The following CFAP36 variants were observed in gnomAD, a reference collection of about 807,000 sequenced individuals.
CFAP36 encodes cilia- and flagella-associated protein 36.
Under a neutral mutation model 50.5 loss-of-function variants are expected in CFAP36, and 37 were observed. The ratio of observed to expected loss-of-function variants is 0.73; its 90% CI spans 0.56 to 0.96. CFAP36 has a LOEUF of 0.96. Ranked by LOEUF, CFAP36 falls within the 50% of genes least tolerant of loss-of-function variation. The pLI, the probability that CFAP36 is intolerant of heterozygous loss-of-function variation, is 0.00. For synonymous variants in CFAP36, 138 were observed against 128.2 expected, an observed-to-expected ratio of 1.08 and a Z score of -0.52; for missense variants, 407 against 396.2, an observed-to-expected ratio of 1.03 and a Z score of -0.23.
intron 6 of CFAP36, among the ~76,000 whole-genome samples, chr2:55,537,213 A>T (rs1018409602): frequency 6.6e-6 from 1 of 152,092 alleles, no homozygotes; most frequent in Non-Finnish European, 1.5e-5. Context: ...TCTACTAAAA[A>T]TGCAACAATT....
intron 3 of CFAP36, among the ~76,000 whole-genome samples, chr2:55,527,582 A>AAAAT (rs56081740): frequency 0.087 from 13,235 of 151,552 alleles, 702 homozygotes; most frequent in South Asian, 0.14. Flanking sequence ...ACTGCATTTC[A>AAAAT]AAATAAATAA....
At chr2:55,537,950 G>C (rs909610623) in intron 7 of CFAP36, among the ~76,000 whole-genome samples, 7 of 152,126 alleles carry the variant, frequency 4.6e-5, no homozygotes, top group African/African-American at 1.7e-4. Flanking sequence ...AGCTGAACTT[G>C]GAAAGATAAT....
intron 3 of CFAP36, among the ~76,000 whole-genome samples, chr2:55,525,886 CA>C (rs1274501043): frequency 6.6e-6 from 1 of 152,226 alleles, no homozygotes; most frequent in Non-Finnish European, 1.5e-5. Context: ...CTCGGCCTCC[CA>C]AAGTGCTGGG....
At chr2:55,520,270 G>T in intron 1 of CFAP36, 2 of 761,844 alleles carry the variant, frequency 2.6e-6, no homozygotes, top group Non-Finnish European at 2.1e-6. Flanking sequence ...TGGACTGTTT[G>T]GCTGGGCTTC....
intron 1 of CFAP36, among the ~76,000 whole-genome samples, chr2:55,520,231 C>T (rs1015905944): frequency 2.0e-5 from 3 of 152,220 alleles, no homozygotes; most frequent in Admixed American, 6.5e-5. Flanking sequence ...GTCTCTCACC[C>T]TGTCCCGAAC....
intron 4 of CFAP36, among the ~76,000 whole-genome samples, chr2:55,530,379 T>A (rs1339031049): frequency 2.0e-5 from 3 of 152,184 alleles, no homozygotes; most frequent in Non-Finnish European, 4.4e-5. Flanking sequence ...ATCAGCAGCA[T>A]GAAAATGGAC....
At chr2:55,520,743 A>C (rs1315990233) in intron 1 of CFAP36, among the ~76,000 whole-genome samples, 2 of 152,178 alleles carry the variant, frequency 1.3e-5, no homozygotes, top group African/African-American at 4.8e-5. Flanking sequence ...CAAGACTTTG[A>C]GGGTAGTAGT....
intron 2 of CFAP36, among the ~76,000 whole-genome samples, chr2:55,523,398 G>A (rs1304773712): frequency 2.0e-5 from 3 of 151,994 alleles, no homozygotes; most frequent in South Asian, 4.2e-4. Context: ...CTGGGTGACA[G>A]AGTGAGACTC....
chr2:55,537,355 A>T (rs1296178977), intron 6 of CFAP36, 128 bp from the exon 7 acceptor site: 4 of 607,794 alleles, frequency 6.6e-6, no homozygotes, highest in Non-Finnish European at 1.1e-5. Flanking sequence ...TGGGTGACAG[A>T]GTGAGACTCT....
intron 7 of CFAP36, among the ~76,000 whole-genome samples, chr2:55,542,031 C>T (rs1353464422): frequency 1.3e-5 from 2 of 152,122 alleles, no homozygotes; most frequent in African/African-American, 4.8e-5. Flanking sequence ...ATATATGCTA[C>T]AGATTGTAAG....
intron 4 of CFAP36, among the ~76,000 whole-genome samples, chr2:55,529,228 C>T (rs976351226): frequency 1.3e-5 from 2 of 151,888 alleles, no homozygotes; most frequent in Non-Finnish European, 2.9e-5. Flanking sequence ...GAGACCATCC[C>T]AGCTAACACA....
intron 3 of CFAP36, among the ~76,000 whole-genome samples, chr2:55,525,520 G>A (rs2103637097): frequency 6.6e-6 from 1 of 152,234 alleles, no homozygotes; most frequent in South Asian, 2.1e-4. Context: ...TTCTTAGCAA[G>A]ATATGGTAAG....
chr2:55,529,063 G>A, intron 4 of CFAP36, 71 bp downstream of exon 4: 1 of 994,726 alleles, frequency 1.0e-6, no homozygotes. Context: ...TTCTAATATG[G>A]TCTTAAATGT....
chr2:55,531,038 A>T (rs1046270691), intron 4 of CFAP36: 1 of 152,180 alleles, frequency 6.6e-6, no homozygotes, highest in African/African-American at 2.4e-5. Context: ...CATCATAATC[A>T]TCTACTAGAA....
intron 4 of CFAP36, chr2:55,531,362 T>C (rs1470495464): frequency 6.6e-6 from 1 of 152,224 alleles, no homozygotes; most frequent in Non-Finnish European, 1.5e-5. Context: ...TGGAATTTAA[T>C]TGGAAACTCA....
chr2:55,529,030 AT>A (rs200706926), intron 4 of CFAP36, 38 bp downstream of exon 4: 1,399 of 1,369,338 alleles, frequency 1.0e-3, no homozygotes, highest in Admixed American at 1.6e-3. Flanking sequence ...TACTAAATGC[AT>A]TTTTTTTTAC....
chr2:55,527,231 C>G (rs998883698), intron 3 of CFAP36, among the ~76,000 whole-genome samples: 34 of 152,156 alleles, frequency 2.2e-4, no homozygotes, highest in African/African-American at 8.2e-4. Flanking sequence ...TCAACACCCT[C>G]TGTCAGTATT....
intron 7 of CFAP36, among the ~76,000 whole-genome samples, chr2:55,538,220 T>A (rs969344593): frequency 2.0e-5 from 3 of 152,104 alleles, no homozygotes; most frequent in African/African-American, 7.2e-5. Flanking sequence ...CCTATGGTTT[T>A]AAATAAATGT....
Position 55,523,756 on chromosome 2 carries a change from T to C in CFAP36, c.216T>C (p.Ile72=), listed in dbSNP as rs1300670740. Residue 72 remains isoleucine (I), a synonymous_variant, in exon 3 of 10, where the codon ATT becomes ATC. Coordinates refer to ENST00000349456, the MANE Select transcript of CFAP36 (RefSeq NM_080667.7). ...EKLLEGYLKE[I]GINEDQFQEA... The stretch of plus-strand genomic sequence containing the variant: ...TGTTAGAAGGTTACCTCAAAGAAAT[T>C]GGAATTAATGAAGATCAATTTCAAG... 2 of 1,607,884 alleles carry C rather than the reference T, an allele frequency of 1.2e-6. No individual in the cohort carries two copies. Among genetic ancestry groups the C allele is most frequent in the Non-Finnish European group, 1.7e-6 (2 of 1,176,336 alleles).
Sources: gnomAD v4.1 joint callset for allele counts (sites outside exome capture counted in the v4.1 genomes callset) on GRCh38, gnomAD v4.1.1 for gene constraint, MANE v1.5 for transcripts, NCBI Gene and HGNC (gene_info 2026-07-23, HGNC 2026-07-21) for gene names.